The following SORL1 variants were observed in gnomAD, a reference collection of about 807,000 sequenced individuals.
The protein encoded by SORL1 is sortilin-related receptor.
SORL1 carries 127 observed loss-of-function variants against 273.7 expected under a neutral mutation model. The ratio of observed to expected loss-of-function variants is 0.46; its 90% CI spans 0.40 to 0.54. The LOEUF (loss-of-function observed/expected upper bound fraction) is 0.54, where lower values mean the gene tolerates loss of function less well. Among genes scored for constraint, SORL1 ranks in the 20% least tolerant of loss-of-function variants. The probability of loss-of-function intolerance (pLI) is 0.00; values close to 1 mark genes in which losing one functional copy is unlikely to be tolerated. For synonymous variants in SORL1, 1,031 were observed against 1,067.4 expected (o/e 0.97, Z 0.66); for missense variants, 2,494 against 2,846.1 (o/e 0.88, Z 2.81).
intron 47 of SORL1, among the ~76,000 whole-genome samples, chr11:121,628,476 A>G (rs1487805644): frequency 1.3e-5 from 2 of 152,120 alleles, no homozygotes; most frequent in African/African-American, 4.8e-5. Context: ...ATCTGACAGG[A>G]GGCGAGGCTC....
intron 6 of SORL1, among the ~76,000 whole-genome samples, chr11:121,500,730 C>A (rs1442910843): frequency 6.6e-6 from 1 of 152,140 alleles, no homozygotes; most frequent in East Asian, 1.9e-4. Context: ...TTGACAGGTC[C>A]CAGGCATTAT....
chr11:121,478,731 A>T (rs1312079050), intron 3 of SORL1, among the ~76,000 whole-genome samples: 1 of 137,060 alleles, frequency 7.3e-6, no homozygotes, highest in Non-Finnish European at 1.6e-5. Flanking sequence ...CATGTGGGTA[A>T]CTGTGTGTGT....
Position 121,619,800 on chromosome 11 carries a change from A to G in SORL1, c.5772A>G (p.Val1924=). Reference sequence around the variant, plus strand: ...AGGGGCCATCCTCTGACTACGTTGTAGTGAAGATGATCCCGGACAGCAGGC... The same window carrying G: ...AGGGGCCATCCTCTGACTACGTTGTGGTGAAGATGATCCCGGACAGCAGGC... ...PYQGPSSDYV[V]VKMIPDSRLP... is the part of the protein sequence containing the mutation. The change falls in exon 43 of 48, where the codon GTA becomes GTG. Residue 1924 remains valine, a synonymous_variant. Transcript: ENST00000260197. 6.2e-7 allele frequency: 1 copy of G among 1,614,096 alleles called. No homozygotes were observed.
At chr11:121,471,451 C>T (rs1591547823) in intron 2 of SORL1, among the ~76,000 whole-genome samples, 1 of 152,216 alleles carries the variant, frequency 6.6e-6, no homozygotes, top group Non-Finnish European at 1.5e-5. Context: ...GGCCTGTGCT[C>T]TGGACTCCTC....
In SORL1 at chr11:121,608,164, A is replaced by G. The variant is rs746213861; in HGVS notation, c.5227A>G (p.Ile1743Val). ...GAGCGATTCTAAATCCATTACCACC[A>G]TAAAAGGAAAAGGTAAATGATCCCA... ...NWSDSKSITT[I>V]KGKVIPPPDI... Residue 1743 changes from isoleucine to valine, a missense_variant, in exon 38 of 48, where the codon ATA becomes GTA. Physicochemically the swap from Ile to Val is conservative, Grantham distance 29. Coordinates refer to ENST00000260197, the MANE Select transcript of SORL1 (RefSeq NM_003105.6). 4 of 1,613,386 alleles carry G rather than the reference A, an allele frequency of 2.5e-6. No homozygotes were observed. Among genetic ancestry groups the G allele is most frequent in the Non-Finnish European group, 3.4e-6 (4 of 1,179,300 alleles).
At chr11:121,513,258 C>T (rs1055222545) in intron 7 of SORL1, among the ~76,000 whole-genome samples, 154 bp downstream of exon 7, 10 of 152,186 alleles carry the variant, frequency 6.6e-5, no homozygotes, top group Admixed American at 1.3e-4. Context: ...CTTTGGGCAT[C>T]GTGGTCTGTG....
At chr11:121,564,878 T>A (rs11218343) in intron 21 of SORL1, among the ~76,000 whole-genome samples, 1 of 152,116 alleles carries the variant, frequency 6.6e-6, no homozygotes, top group African/African-American at 2.4e-5. Flanking sequence ...CAGCCGGTAA[T>A]AGAGTATTTT....
chr11:121,621,415 G>A (rs916101244), intron 44 of SORL1, among the ~76,000 whole-genome samples, 177 bp downstream of exon 44: 7 of 152,208 alleles, frequency 4.6e-5, no homozygotes, highest in Non-Finnish European at 8.8e-5. Flanking sequence ...GAGCCGTGGC[G>A]TGGTGGCCAG....
chr11:121,465,718 G>A (rs1361839548), intron 1 of SORL1, among the ~76,000 whole-genome samples: 2 of 152,102 alleles, frequency 1.3e-5, no homozygotes, highest in African/African-American at 4.8e-5. Flanking sequence ...TAGTAGAGAC[G>A]GTTTTTCACT....
At position 121,461,774 on chromosome 11, in the gene SORL1, G is replaced by A. The variant is rs115037712; in HGVS notation, c.286-8233G>A. Among the ~76,000 whole-genome samples the A allele has an allele frequency of 9.9e-3, 1,504 of 152,232 alleles. 25 individuals carry two copies. The highest frequency in any genetic ancestry group is 0.035 in the African/African-American group (1,441 of 41,524). ...TCCTAGCTTGACTCAGGCGTGCAGT[G>A]TTTTGTCATTTTATATATGTCATCG... On this transcript the variant is annotated intron_variant, in intron 1 of 47. Transcript: ENST00000260197.
Position 121,550,631 on chromosome 11 carries a change from G to A in SORL1, c.2227G>A (p.Ala743Thr). The change falls in exon 16 of 48, where the codon GCG (alanine) becomes ACG (threonine). Residue 743 changes from alanine (A) to threonine (T), a missense_variant. Ala to Thr is a moderately conservative substitution (Grantham distance 58). Transcript: ENST00000260197. This position sits in a 1 kb window ranked among gnomAD's most constrained non-coding sequence, Gnocchi z 5.3. ...GDTCSGGDVE[A>T]RLEGELVPCP... ...CACTTGTAGCGGAGGAGATGTTGAA[G>A]CGCGACTGGAAGGAGAGCTGGTCCC... The A allele has an allele frequency of 1.2e-6, 2 of 1,614,156 alleles. No homozygotes were observed. The highest frequency in any genetic ancestry group is 1.1e-5 in the South Asian group (1 of 91,078).
At position 121,510,211 on chromosome 11, in the gene SORL1, A is replaced by G. The variant is rs374798036; in HGVS notation, c.940-2792A>G. Reference sequence around the variant, plus strand: ...TTAATGGAAAAAGTTAAGTAATACAACAGCATTTATATCATGATCCAAATT... The same window carrying G: ...TTAATGGAAAAAGTTAAGTAATACAGCAGCATTTATATCATGATCCAAATT... On this transcript the variant is annotated intron_variant, in intron 6 of 47. Transcript: ENST00000260197. Among the ~76,000 whole-genome samples the G allele has an allele frequency of 1.3e-4, 19 of 151,148 alleles. No individual in the cohort carries two copies. The East Asian group carries it at 2.3e-3, about 18-fold the overall frequency.
intron 44 of SORL1, 26 bp from the exon 45 acceptor site, chr11:121,622,136 C>A: frequency 8.0e-7 from 1 of 1,249,972 alleles, no homozygotes; most frequent in Non-Finnish European, 1.2e-6. Flanking sequence ...CCACTAACCG[C>A]ATCCCATCTC....
chr11:121,615,334 G>A (rs981535607), intron 41 of SORL1, among the ~76,000 whole-genome samples: 7 of 151,816 alleles, frequency 4.6e-5, no homozygotes, highest in Non-Finnish European at 1.0e-4. Context: ...TGGCACATTC[G>A]TCCCCCTCTT....
intron 23 of SORL1, among the ~76,000 whole-genome samples, chr11:121,571,500 C>T (rs1206483868): frequency 1.3e-5 from 2 of 152,224 alleles, no homozygotes. Flanking sequence ...TGGAGAGAGA[C>T]CAGAAGCAGG....
At chr11:121,610,955 G>A in intron 38 of SORL1, 121 bp from the exon 39 acceptor site, 1 of 691,264 alleles carries the variant, frequency 1.4e-6, no homozygotes, top group Non-Finnish European at 2.6e-6. Flanking sequence ...CACTGCCAAA[G>A]AAATACCCTT....
chr11:121,496,905 C>T lies in SORL1; in HGVS notation c.795C>T (p.Tyr265=), dbSNP rs749772052. The T allele has an allele frequency of 3.1e-6, 5 of 1,613,150 alleles. No homozygotes were observed. The African/African-American group carries it at 5.4e-5, about 17-fold the overall frequency. The change falls in exon 6 of 48, where the codon TAC becomes TAT. Residue 265 remains tyrosine (Y), a synonymous_variant. Coordinates refer to ENST00000260197, the MANE Select transcript of SORL1 (RefSeq NM_003105.6). ...CCTATGACAAACCAAATACCATCTA[C>T]ATTGAACGACATGAACCCTCTGGCT... ...IDPYDKPNTI[Y]IERHEPSGYS...
In SORL1 at chr11:121,615,059, AGTCAGCCAGAAT is replaced by A; in HGVS notation, c.5604+6_5604+17del. ...CTGGACCGGCCCCCGGAATGTGGTG[AGTCAGCCAGAAT>A]GACCATCACAAAGTGAGTGTGGACT... is the stretch of plus-strand genomic sequence containing the variant. On this transcript the variant is annotated splice_donor_5th_base_variant and intron_variant, in intron 41 of 47. Transcript: ENST00000260197. 1 of 1,588,986 alleles carries A rather than the reference AGTCAGCCAGAAT, an allele frequency of 6.3e-7. No individual in the cohort carries two copies. Among genetic ancestry groups the A allele is most frequent in the Non-Finnish European group, 8.6e-7 (1 of 1,167,424 alleles).
At chr11:121,573,338 G>A (rs1370104268) in intron 23 of SORL1, among the ~76,000 whole-genome samples, 1 of 152,164 alleles carries the variant, frequency 6.6e-6, no homozygotes, top group Non-Finnish European at 1.5e-5. Flanking sequence ...CTGGCTGGGC[G>A]TGGTGGCTCA....
Sources: gnomAD v4.1 joint callset for allele counts (sites outside exome capture counted in the v4.1 genomes callset) on GRCh38, gnomAD v4.1.1 for gene constraint, Gnocchi (gnomAD v3.1) non-coding constraint, MANE v1.5 for transcripts, NCBI Gene and HGNC (gene_info 2026-07-23, HGNC 2026-07-21) for gene names.